Variants in LAMA2 observed in about 807,000 individuals in gnomAD.
The protein encoded by LAMA2 is laminin subunit alpha 2.
In LAMA2, 269 loss-of-function variants were observed where a neutral mutation model predicts 364.8. The ratio of observed to expected loss-of-function variants is 0.74; its 90% confidence interval spans 0.67 to 0.82. The LOEUF (loss-of-function observed/expected upper bound fraction) is 0.82. LAMA2 is among the 40% of genes least tolerant of loss of function. The pLI is 0.00. For synonymous variants in LAMA2, 1,379 were observed against 1,370.6 expected (o/e 1.01, Z -0.14); for missense variants, 3,807 against 3,873.2 (o/e 0.98, Z 0.45).
chr6:129,499,744 T>A (rs1359662432), intron 58 of LAMA2, among the ~76,000 whole-genome samples: 1 of 152,090 alleles, frequency 6.6e-6, no homozygotes, highest in Non-Finnish European at 1.5e-5. Flanking sequence ...TTGAGACAGG[T>A]TCTTGCTCTA....
At chr6:129,299,106 G>A (rs1159633569) in intron 21 of LAMA2, among the ~76,000 whole-genome samples, 1 of 151,706 alleles carries the variant, frequency 6.6e-6, no homozygotes, top group African/African-American at 2.4e-5. Context: ...TTTAATAAAT[G>A]CAGACCTACT....
intron 40 of LAMA2, among the ~76,000 whole-genome samples, chr6:129,425,832 G>A (rs1366693831): frequency 2.0e-5 from 3 of 151,868 alleles, no homozygotes; most frequent in South Asian, 2.1e-4. Flanking sequence ...CCAGTCTGCC[G>A]CTGATGCTAT....
intron 1 of LAMA2, among the ~76,000 whole-genome samples, chr6:128,887,900 T>G (rs1470754171): frequency 1.3e-5 from 2 of 151,900 alleles, no homozygotes; most frequent in African/African-American, 2.4e-5. Context: ...AAACAAAAAT[T>G]TAAAAAGATT....
chr6:129,455,965 T>C (rs1443826532), intron 47 of LAMA2, among the ~76,000 whole-genome samples: 1 of 152,144 alleles, frequency 6.6e-6, no homozygotes, highest in Non-Finnish European at 1.5e-5. Context: ...TTGCATAAAT[T>C]GTATGTGTTG....
At chr6:129,487,704 T>A (rs933913245) in intron 56 of LAMA2, among the ~76,000 whole-genome samples, 1 of 152,200 alleles carries the variant, frequency 6.6e-6, no homozygotes, top group Non-Finnish European at 1.5e-5. Flanking sequence ...CAGTTTTTAT[T>A]ATTATTATTA....
In LAMA2 at chr6:129,475,373, T is replaced by G. The variant is rs1402035855; in HGVS notation, c.7440-17T>G. 21 of 1,433,566 alleles carry G rather than the reference T, an allele frequency of 1.5e-5. No individual in the cohort carries two copies. The highest frequency in any genetic ancestry group is 2.0e-5 in the Non-Finnish European group (21 of 1,033,108). 88.8% of individuals were successfully genotyped at this position (1,433,566 alleles called of 1,614,324 possible). On this transcript the variant is annotated splice_polypyrimidine_tract_variant and intron_variant, in intron 52 of 64. Coordinates refer to ENST00000421865, the MANE Select transcript of LAMA2 (RefSeq NM_000426.4). ...GTTTTTATTTTTGTTTTTTTTTTCCTCTTTCCCGTTATCTAGTATGAAAGC... is the reference window on the plus strand; with the variant it reads ...GTTTTTATTTTTGTTTTTTTTTTCCGCTTTCCCGTTATCTAGTATGAAAGC...
intron 2 of LAMA2, among the ~76,000 whole-genome samples, chr6:129,058,593 C>T (rs969407485): frequency 2.5e-4 from 38 of 152,112 alleles, no homozygotes; most frequent in South Asian, 2.1e-4. Flanking sequence ...TGGCAACAGA[C>T]AAATGCCGGA....
At chr6:128,919,338 A>G (rs1291459299) in intron 1 of LAMA2, among the ~76,000 whole-genome samples, 1 of 152,242 alleles carries the variant, frequency 6.6e-6, no homozygotes, top group Admixed American at 6.5e-5. Context: ...AACTTACGTC[A>G]GTCAATCCTG....
intron 17 of LAMA2, among the ~76,000 whole-genome samples, chr6:129,274,732 A>G (rs578081414): frequency 2.6e-5 from 4 of 152,140 alleles, no homozygotes; most frequent in African/African-American, 9.6e-5. Flanking sequence ...GTTGATGTAT[A>G]TATTCTAGCT....
At chr6:129,076,497 A>C (rs1048069504) in intron 3 of LAMA2, among the ~76,000 whole-genome samples, 1 of 12,080 alleles carries the variant, frequency 8.3e-5, no homozygotes, top group African/African-American at 1.6e-4. Flanking sequence ...TATATTATAT[A>C]TAAATATATA....
At chr6:129,467,313 C>T (rs1265578129) in intron 51 of LAMA2, among the ~76,000 whole-genome samples, 1 of 151,512 alleles carries the variant, frequency 6.6e-6, no homozygotes, top group Non-Finnish European at 1.5e-5. Flanking sequence ...AATGGATACA[C>T]GAAGACGTGA....
intron 8 of LAMA2, among the ~76,000 whole-genome samples, chr6:129,163,005 T>C (rs1298075199): frequency 6.6e-6 from 1 of 152,222 alleles, no homozygotes; most frequent in East Asian, 1.9e-4. Flanking sequence ...CTATGATGTG[T>C]CTATGTTTGG....
Position 129,320,593 on chromosome 6 carries a change from C to A in LAMA2, c.4114C>A (p.Pro1372Thr), listed in dbSNP as rs1774907378. 1 of 1,613,656 alleles carries A rather than the reference C, an allele frequency of 6.2e-7. No homozygotes were observed. Among genetic ancestry groups the A allele is most frequent in the South Asian group, 1.1e-5 (1 of 91,074 alleles). Residue 1372 changes from proline (P) to threonine (T), a missense_variant, in exon 28 of 65, where the codon CCT (proline) becomes ACT (threonine). Pro to Thr is a conservative substitution (Grantham distance 38). Transcript: ENST00000421865. ...AEQGRGTTMT[P>T]PADLIEKCDC... ...ACAAGGACGTGGAACAACAATGACT[C>A]CTCCAGCTGACTTGATTGAAAAATG...
intron 4 of LAMA2, among the ~76,000 whole-genome samples, chr6:129,119,243 T>A (rs1163429244): frequency 6.6e-6 from 1 of 152,222 alleles, no homozygotes; most frequent in Non-Finnish European, 1.5e-5. Flanking sequence ...TTTGCACTTA[T>A]GAGGTTGTGT....
chr6:129,367,444 C>T (rs562242362), intron 33 of LAMA2, among the ~76,000 whole-genome samples: 1 of 152,226 alleles, frequency 6.6e-6, no homozygotes, highest in Non-Finnish European at 1.5e-5. Flanking sequence ...GTTTTACAAA[C>T]ATTCAAAGTA....
intron 46 of LAMA2, 124 bp from the exon 47 acceptor site, chr6:129,454,031 A>G (rs1355352987): frequency 6.1e-5 from 37 of 607,812 alleles, no homozygotes; most frequent in Admixed American, 2.5e-5. Context: ...GACAAGTATT[A>G]TCATGAAGCT....
At chr6:129,225,834 C>T (rs1335448980) in intron 12 of LAMA2, among the ~76,000 whole-genome samples, 2 of 152,050 alleles carry the variant, frequency 1.3e-5, no homozygotes, top group East Asian at 3.9e-4. Context: ...GAGAGTTCTG[C>T]AAATGTCTAT....
intron 7 of LAMA2, among the ~76,000 whole-genome samples, chr6:129,150,936 T>C (rs537431891): frequency 3.9e-5 from 6 of 152,302 alleles, no homozygotes; most frequent in Admixed American, 3.3e-4. Flanking sequence ...GAGTTTAATT[T>C]GGATTTTCAT....
intron 1 of LAMA2, among the ~76,000 whole-genome samples, chr6:128,894,083 C>T: frequency 6.6e-6 from 1 of 152,086 alleles, no homozygotes; most frequent in East Asian, 1.9e-4. Context: ...TACCAAAACT[C>T]AGTAAGTGGT....
Sources: gnomAD v4.1 joint callset for allele counts (sites outside exome capture counted in the v4.1 genomes callset) on GRCh38, gnomAD v4.1.1 for gene constraint, MANE v1.5 for transcripts, NCBI Gene and HGNC (gene_info 2026-07-23, HGNC 2026-07-21) for gene names.